HEMK1: variants seen among roughly 807,000 people sequenced by gnomAD.
HEMK1 encodes MTRF1L release factor glutamine methyltransferase.
In HEMK1, 36 loss-of-function variants were observed where a neutral mutation model predicts 47.9. The ratio of observed to expected loss-of-function variants is 0.75; its 90% CI spans 0.58 to 0.99. The LOEUF (loss-of-function observed/expected upper bound fraction) is 0.99. HEMK1 is among the 50% of genes least tolerant of loss of function. The probability of loss-of-function intolerance (pLI) is 0.00; values close to 1 mark genes in which losing one functional copy is unlikely to be tolerated. For synonymous variants in HEMK1, 153 were observed against 165.4 expected (o/e 0.93, Z 0.57); for missense variants, 383 against 434.5 (o/e 0.88, Z 1.05).
Position 50,572,051 on chromosome 3 carries a change from CCCAGGCA to C in HEMK1, c.321-63_321-57del. 3.1e-6 allele frequency: 5 copies of C among 1,605,478 alleles called. No individual in the cohort carries two copies. The South Asian group carries it at 5.6e-5, about 18-fold the overall frequency. ...CCTTTGGCCACAAGTGGTATCTCAA[CCCAGGCA>C]TGGTCCTGTTGGTCCTAGCTCTGTC... On this transcript the variant is annotated intron_variant, in intron 3 of 10. Transcript: ENST00000232854.
intron 6 of HEMK1, 120 bp downstream of exon 6, chr3:50,577,693 C>T (rs1426581702): frequency 8.1e-6 from 11 of 1,349,998 alleles, no homozygotes; most frequent in Non-Finnish European, 2.1e-6. Context: ...GGCATGGGTC[C>T]CATGGGGTTC....
intron 7 of HEMK1, among the ~76,000 whole-genome samples, chr3:50,578,393 A>C (rs1259731747): frequency 6.6e-6 from 1 of 152,196 alleles, no homozygotes; most frequent in Non-Finnish European, 1.5e-5. Context: ...AGCACCTGGC[A>C]CAGGGTGAAA....
rs536413714 is a variant in HEMK1, at chr3:50,572,240, G to C, written c.414+32G>C. Reference sequence around the variant, plus strand: ...GTGCCACCAGGGCAAGGCAGGATCAGGATGATGGTGGAGTTCAGGGCACCA... The same window carrying C: ...GTGCCACCAGGGCAAGGCAGGATCACGATGATGGTGGAGTTCAGGGCACCA... On this transcript the variant is annotated intron_variant, in intron 4 of 10. Coordinates refer to ENST00000232854, the MANE Select transcript of HEMK1 (RefSeq NM_016173.5). 98 of 1,600,322 alleles carry C rather than the reference G, an allele frequency of 6.1e-5. No individual in the cohort carries two copies. The Admixed American group carries it at 7.9e-4, about 13-fold the overall frequency.
At chr3:50,579,196 G>A (rs1323300339) in intron 8 of HEMK1, among the ~76,000 whole-genome samples, 1 of 152,164 alleles carries the variant, frequency 6.6e-6, no homozygotes, top group Non-Finnish European at 1.5e-5. Context: ...TGCTCTGCAG[G>A]GCCACGGGAG....
chr3:50,583,744 G>C lies in HEMK1; in HGVS notation c.*3327G>C, dbSNP rs915877991. 2.0e-5 allele frequency: 3 copies of C among 152,160 alleles called. No individual in the cohort carries two copies. The highest frequency in any genetic ancestry group is 7.3e-5 in the African/African-American group (3 of 41,362). 9.4% of individuals were successfully genotyped at this position (152,160 alleles called of 1,614,324 possible). A position where few individuals can be genotyped will look rare whatever the true frequency, so the allele number is the denominator to read the frequency against. ...ACACACACCTTCCCTTTGCCCAGGC[G>C]GTGCAAACAATCCACTTCTTCAAGC... is the stretch of plus-strand genomic sequence containing the variant. On this transcript the variant is annotated 3_prime_UTR_variant, in exon 11 of 11. Transcript: ENST00000232854.
chr3:50,571,077 A>G lies in HEMK1; in HGVS notation c.-28A>G, dbSNP rs923740316. On this transcript the variant is annotated 5_prime_UTR_variant, in exon 2 of 11. Transcript: ENST00000232854. The stretch of plus-strand genomic sequence containing the variant: ...CATAAAGCAGACTTGGGAACCTGGA[A>G]GCACTCTGGAGAACCTTTCCCTGAG... 6.5e-7 allele frequency: 1 copy of G among 1,527,030 alleles called. No individual in the cohort carries two copies. The highest frequency in any genetic ancestry group is 8.9e-7 in the Non-Finnish European group (1 of 1,128,306). The allele number at this position is 1,527,030 out of a possible 1,614,324, so 94.6% of individuals were successfully genotyped here.
Position 50,592,920 on chromosome 3 carries a change from C to T in HEMK1, c.*12503C>T, listed in dbSNP as rs532934560. On this transcript the variant is annotated 3_prime_UTR_variant, in exon 11 of 11. Transcript: ENST00000232854. ...TATTTACTCCTCTGTACCCTGAGCACCATCAACTGGGTGCCAGGCCTGTGC... is the reference window on the plus strand; with the variant it reads ...TATTTACTCCTCTGTACCCTGAGCATCATCAACTGGGTGCCAGGCCTGTGC... 4.6e-5 allele frequency: 7 copies of T among 152,420 alleles called. No individual in the cohort carries two copies. Among genetic ancestry groups the T allele is most frequent in the African/African-American group, 1.4e-4 (6 of 41,586 alleles). The allele number at this position is 152,420 out of a possible 1,614,324, so 9.4% of individuals were successfully genotyped here. A position where few individuals can be genotyped will look rare whatever the true frequency, so the allele number is the denominator to read the frequency against.
Position 50,575,591 on chromosome 3 carries a change from G to C in HEMK1, c.415-1461G>C, listed in dbSNP as rs564649056. On this transcript the variant is annotated intron_variant, in intron 4 of 10. Coordinates refer to ENST00000232854, the MANE Select transcript of HEMK1 (RefSeq NM_016173.5). ...TCCTTAGGCTAGACCTTAGGCTCAG[G>C]GTGGAGAAAGCCGTGGTAGAGCCTG... Among the ~76,000 whole-genome samples, 21 of 152,292 alleles carry C rather than the reference G, an allele frequency of 1.4e-4. No homozygotes were observed. In the South Asian group the frequency reaches 4.3e-3, roughly 32 times the overall value.
In HEMK1 at chr3:50,588,241, C is replaced by T. The variant is rs1022291334; in HGVS notation, c.*7824C>T. The T allele has an allele frequency of 6.6e-6, 1 of 152,264 alleles. No individual in the cohort carries two copies. The highest frequency in any genetic ancestry group is 2.4e-5 in the African/African-American group (1 of 41,460). The allele number at this position is 152,264 out of a possible 1,614,324, so 9.4% of individuals were successfully genotyped here. ...AAACTAGTGCCAGGTGCTGCACACA[C>T]GTGGTCATAAATCCATCTGTTGGCA... On this transcript the variant is annotated 3_prime_UTR_variant, in exon 11 of 11. Transcript: ENST00000232854.
At chr3:50,576,900 G>T in intron 4 of HEMK1, 152 bp from the exon 5 acceptor site, 1 of 870,456 alleles carries the variant, frequency 1.1e-6, no homozygotes, top group Non-Finnish European at 1.8e-6. Flanking sequence ...GGGGCAGGGT[G>T]ACTTGGCCAT....
At position 50,580,442 on chromosome 3, in the gene HEMK1, T is replaced by A. The variant is rs1238547557; in HGVS notation, c.*25T>A. 3 of 1,613,554 alleles carry A rather than the reference T, an allele frequency of 1.9e-6. No homozygotes were observed. Among genetic ancestry groups the A allele is most frequent in the African/African-American group, 1.3e-5 (1 of 74,906 alleles). Reference sequence around the variant, plus strand: ...GCATGGCTGCCCTGTGGATGCCTTGTCAGTGCCGCCAGCCTGACCAGAGGG... The same window carrying A: ...GCATGGCTGCCCTGTGGATGCCTTGACAGTGCCGCCAGCCTGACCAGAGGG... On this transcript the variant is annotated 3_prime_UTR_variant, in exon 11 of 11. Coordinates refer to ENST00000232854, the MANE Select transcript of HEMK1 (RefSeq NM_016173.5).
rs987942333 is a variant in HEMK1 at position 50,587,019 on chromosome 3, C to T, written c.*6602C>T. 1 of 151,680 alleles carries T rather than the reference C, an allele frequency of 6.6e-6. No individual in the cohort carries two copies. Among genetic ancestry groups the T allele is most frequent in the African/African-American group, 2.4e-5 (1 of 41,224 alleles). 9.4% of individuals were successfully genotyped at this position (151,680 alleles called of 1,614,324 possible). ...GCTGGCACATGGGGTTTTTAGTTGT[C>T]CCCACATTACAAAGTTGAGGACACC... is the stretch of plus-strand genomic sequence containing the variant. On this transcript the variant is annotated 3_prime_UTR_variant, in exon 11 of 11. Coordinates refer to ENST00000232854, the MANE Select transcript of HEMK1 (RefSeq NM_016173.5). The surrounding 1 kb of genome is among the most constrained non-coding windows in gnomAD (Gnocchi z 4.2).
rs2031828357 is a variant in HEMK1 at position 50,593,549 on chromosome 3, T to TA, written c.*13133dup. The TA allele has an allele frequency of 2.6e-5, 4 of 152,208 alleles. No homozygotes were observed. Among genetic ancestry groups the TA allele is most frequent in the Admixed American group, 1.3e-4 (2 of 15,276 alleles). The allele number at this position is 152,208 out of a possible 1,614,324, so 9.4% of individuals were successfully genotyped here. On this transcript the variant is annotated 3_prime_UTR_variant, in exon 11 of 11. Coordinates refer to ENST00000232854, the MANE Select transcript of HEMK1 (RefSeq NM_016173.5). ...AGATGTTACAGTTTTTCTTGTTATG[T>TA]ATTATACAGAGAGATGGCCTAACTG...
In HEMK1 at chr3:50,595,784, TAGAG is replaced by T. The variant is rs2031944252; in HGVS notation, c.*15371_*15374del. 6.6e-6 allele frequency: 1 copy of T among 152,130 alleles called. No homozygotes were observed. The highest frequency in any genetic ancestry group is 2.4e-5 in the African/African-American group (1 of 41,406). The allele number at this position is 152,130 out of a possible 1,614,324, so 9.4% of individuals were successfully genotyped here. A position where few individuals can be genotyped will look rare whatever the true frequency, so the allele number is the denominator to read the frequency against. On this transcript the variant is annotated 3_prime_UTR_variant, in exon 11 of 11. Transcript: ENST00000232854. ...GGTTTCTGCAGGAAAAAACCCAAGA[TAGAG>T]AGACAACACTATATAGGCATCGATG...
intron 4 of HEMK1, 112 bp downstream of exon 4, chr3:50,572,320 G>C: frequency 9.1e-7 from 1 of 1,099,846 alleles, no homozygotes; most frequent in Non-Finnish European, 1.3e-6. Context: ...TTCAGGGACA[G>C]TGCCTTTCTA....
At chr3:50,578,615 T>C (rs2030197209) in intron 7 of HEMK1, among the ~76,000 whole-genome samples, 2 of 152,328 alleles carry the variant, frequency 1.3e-5, no homozygotes, top group Non-Finnish European at 2.9e-5. Context: ...TGCCTTGAAA[T>C]GAGGGGCTGC....
chr3:50,572,454 G>T (rs748580065), intron 4 of HEMK1, among the ~76,000 whole-genome samples: 4 of 152,238 alleles, frequency 2.6e-5, no homozygotes, highest in African/African-American at 9.6e-5. Flanking sequence ...GGCCCAGAGT[G>T]CCTCAAATAG....
Position 50,583,216 on chromosome 3 carries a change from A to T in HEMK1, c.*2799A>T, listed in dbSNP as rs920390039. 1 of 152,204 alleles carries T rather than the reference A, an allele frequency of 6.6e-6. No homozygotes were observed. The highest frequency in any genetic ancestry group is 6.5e-5 in the Admixed American group (1 of 15,284). The allele number at this position is 152,204 out of a possible 1,614,324, so 9.4% of individuals were successfully genotyped here. ...AACTGAGGCCTTGTCTCACAGTTGGATGCTTTTCCCAGTTGTCAGTGGGTT... is the reference window on the plus strand; with the variant it reads ...AACTGAGGCCTTGTCTCACAGTTGGTTGCTTTTCCCAGTTGTCAGTGGGTT... On this transcript the variant is annotated 3_prime_UTR_variant, in exon 11 of 11. Coordinates refer to ENST00000232854, the MANE Select transcript of HEMK1 (RefSeq NM_016173.5).
intron 4 of HEMK1, among the ~76,000 whole-genome samples, chr3:50,573,344 GCCACCT>G (rs1701230624): frequency 6.6e-6 from 1 of 152,246 alleles, no homozygotes; most frequent in Admixed American, 6.5e-5. Flanking sequence ...GGTGTGGCCT[GCCACCT>G]GCAGACTTTG....
Sources: gnomAD v4.1 joint callset for allele counts (sites outside exome capture counted in the v4.1 genomes callset) on GRCh38, gnomAD v4.1.1 for gene constraint, Gnocchi (gnomAD v3.1) non-coding constraint, MANE v1.5 for transcripts, NCBI Gene and HGNC (gene_info 2026-07-23, HGNC 2026-07-21) for gene names.